CEP97: variants seen among roughly 807,000 people sequenced by gnomAD.
CEP97 encodes centrosomal protein of 97 kDa.
CEP97 carries 43 observed loss-of-function variants against 73.1 expected under a neutral mutation model. The ratio of observed to expected loss-of-function variants is 0.59; its 90% CI spans 0.46 to 0.76. CEP97 has a LOEUF of 0.76. CEP97 is among the 30% of genes least tolerant of loss of function. CEP97 has a pLI of 0.00. For synonymous variants in CEP97, 337 were observed against 370.0 expected (o/e 0.91, Z 1.02); for missense variants, 939 against 1,014.0 (o/e 0.93, Z 1.00).
Position 101,757,747 on chromosome 3 carries a change from G to A in CEP97, c.1141G>A (p.Asp381Asn), listed in dbSNP as rs1303496372. Residue 381 changes from aspartate (D) to asparagine (N), a missense_variant, in exon 9 of 11, where the codon GAT (aspartate) becomes AAT (asparagine). By Grantham distance (23) the Asp-to-Asn change is conservative. Transcript: ENST00000341893. ...ACACACTACGAGATATTCTCGAAAT[G>A]ATCTGCACCTGGAAGACATACAGAC... ...SVHTTRYSRN[D>N]LHLEDIQTDE... 6.2e-7 allele frequency: 1 copy of A among 1,614,222 alleles called. No homozygotes were observed.
rs1211087957 is a variant in CEP97 at position 101,762,495 on chromosome 3, G to T, written c.1828G>T (p.Glu610Ter). The T allele has an allele frequency of 6.2e-7, 1 of 1,606,570 alleles. No individual in the cohort carries two copies. The highest frequency in any genetic ancestry group is 1.7e-5 in the Admixed American group (1 of 59,156). ...TTTGAATTATTGTAGATTACGAAAA[G>T]AAAGAGATGAAGAACGTATTAAAAA... The part of the protein sequence containing the change: ...LTDEIRRLRK[E>*]RDEERIKKFV... The change falls in exon 10 of 11, where the codon GAA (glutamate) becomes TAA (stop). Residue 610 changes from glutamate to a stop codon, truncating the protein, a stop_gained. Transcript: ENST00000341893. LOFTEE classifies it high-confidence loss of function.
chr3:101,731,830 T>C lies in CEP97; in HGVS notation c.448-10T>C. ...TTTCATTTGTAATTCATACTGTTTT[T>C]ACTTTCAAGACCCTGCTTTTACATG... On this transcript the variant is annotated splice_polypyrimidine_tract_variant and intron_variant, in intron 4 of 10. Transcript: ENST00000341893. The C allele has an allele frequency of 6.7e-7, 1 of 1,492,950 alleles. No homozygotes were observed. Among genetic ancestry groups the C allele is most frequent in the Non-Finnish European group, 9.3e-7 (1 of 1,074,324 alleles). The allele number at this position is 1,492,950 out of a possible 1,614,324, so 92.5% of individuals were successfully genotyped here.
chr3:101,735,390 T>TG (rs905441781), intron 6 of CEP97, among the ~76,000 whole-genome samples: 9 of 151,896 alleles, frequency 5.9e-5, no homozygotes, highest in African/African-American at 2.2e-4. Context: ...AAGAAGTGTG[T>TG]GGGGGGGTGG....
chr3:101,758,189 C>A lies in CEP97; in HGVS notation c.1583C>A (p.Thr528Asn), dbSNP rs1351070158. The A allele has an allele frequency of 6.2e-7, 1 of 1,613,906 alleles. No homozygotes were observed. The highest frequency in any genetic ancestry group is 2.2e-5 in the East Asian group (1 of 44,886). Residue 528 changes from threonine (T) to asparagine (N), a missense_variant, in exon 9 of 11, where the codon ACC becomes AAC. By Grantham distance (65) the Thr-to-Asn change is moderately conservative (BLOSUM62 0). Coordinates refer to ENST00000341893, the MANE Select transcript of CEP97 (RefSeq NM_024548.4). ...AATACACAACCAGAAAATAAAGAAACCATATCTCAAGCAACTTCAGAGAAA... is the reference window on the plus strand; with the variant it reads ...AATACACAACCAGAAAATAAAGAAAACATATCTCAAGCAACTTCAGAGAAA... ...PENTQPENKE[T>N]ISQATSEKLP...
At chr3:101,745,404 G>T (rs1938582098) in intron 6 of CEP97, among the ~76,000 whole-genome samples, 1 of 151,994 alleles carries the variant, frequency 6.6e-6, no homozygotes, top group African/African-American at 2.4e-5. Flanking sequence ...GGGAATAGAT[G>T]CATGCCACCA....
intron 6 of CEP97, among the ~76,000 whole-genome samples, chr3:101,744,677 C>G (rs893432569): frequency 6.6e-6 from 1 of 151,734 alleles, no homozygotes; most frequent in South Asian, 2.1e-4. Context: ...CAGTTGTAGT[C>G]TGTCAACAGT....
intron 6 of CEP97, among the ~76,000 whole-genome samples, chr3:101,748,883 G>A (rs1342380103): frequency 5.3e-5 from 8 of 152,018 alleles, no homozygotes; most frequent in African/African-American, 1.9e-4. Flanking sequence ...CTCATGATCC[G>A]CCCACCTCGG....
intron 4 of CEP97, among the ~76,000 whole-genome samples, chr3:101,729,363 G>C (rs1288062261): frequency 6.6e-6 from 1 of 151,660 alleles, no homozygotes; most frequent in African/African-American, 2.4e-5. Flanking sequence ...AATTATGTTA[G>C]AATACCAGAA....
intron 4 of CEP97, among the ~76,000 whole-genome samples, chr3:101,729,348 A>G (rs1487237484): frequency 6.6e-6 from 1 of 152,114 alleles, no homozygotes; most frequent in Non-Finnish European, 1.5e-5. Flanking sequence ...AAAAAAAAAA[A>G]AAGGAATTAT....
intron 6 of CEP97, among the ~76,000 whole-genome samples, chr3:101,749,241 G>A (rs1368095618): frequency 8.0e-5 from 12 of 149,914 alleles, no homozygotes; most frequent in Non-Finnish European, 1.6e-4. Flanking sequence ...GAGAACATGC[G>A]GTGTTTGGAT....
At chr3:101,753,679 G>T (rs1938914242) in intron 6 of CEP97, among the ~76,000 whole-genome samples, 1 of 152,234 alleles carries the variant, frequency 6.6e-6, no homozygotes, top group Admixed American at 6.5e-5. Flanking sequence ...CAATCAGTGA[G>T]ACTCCGTGGG....
At position 101,727,503 on chromosome 3, in the gene CEP97, C is replaced by T. The variant is rs1256764915; in HGVS notation, c.307C>T (p.His103Tyr). Residue 103 changes from histidine (H) to tyrosine (Y), a missense_variant, in exon 3 of 11, where the codon CAT becomes TAT. Coordinates refer to ENST00000341893, the MANE Select transcript of CEP97 (RefSeq NM_024548.4). The stretch of plus-strand genomic sequence containing the variant: ...TGTGGAAGGGCTAAAGGAACTAGTA[C>T]ATCTGGAATGGCTGAATTTGGCAGG... ...GCVEGLKELV[H>Y]LEWLNLAGNN... 7 of 1,612,070 alleles carry T rather than the reference C, an allele frequency of 4.3e-6. No individual in the cohort carries two copies. The highest frequency in any genetic ancestry group is 1.7e-5 in the Admixed American group (1 of 59,688).
rs747696488 is a variant in CEP97, at chr3:101,757,944, G to C, written c.1338G>C (p.Gln446His). ...ADESVKGLESQVLDKEEEQPL... is the reference protein window; with the variant it reads ...ADESVKGLESHVLDKEEEQPL... Reference sequence around the variant, plus strand: ...AATCTGTGAAAGGGCTGGAAAGCCAGGTGTTGGATAAGGAAGAGGAACAGC... The same window carrying C: ...AATCTGTGAAAGGGCTGGAAAGCCACGTGTTGGATAAGGAAGAGGAACAGC... Residue 446 changes from glutamine to histidine, a missense_variant, in exon 9 of 11, where the codon CAG becomes CAC. By Grantham distance (24) the Gln-to-His change is conservative. Coordinates refer to ENST00000341893, the MANE Select transcript of CEP97 (RefSeq NM_024548.4). 1.2e-6 allele frequency: 2 copies of C among 1,614,244 alleles called. No individual in the cohort carries two copies. The highest frequency in any genetic ancestry group is 2.2e-5 in the South Asian group (2 of 91,086).
At chr3:101,752,255 G>A (rs899151901) in intron 6 of CEP97, among the ~76,000 whole-genome samples, 15 of 152,114 alleles carry the variant, frequency 9.9e-5, no homozygotes, top group African/African-American at 2.4e-4. Context: ...AGTTTCTGCC[G>A]AGAGATCCGC....
At chr3:101,756,169 C>G (rs531374010) in intron 7 of CEP97, among the ~76,000 whole-genome samples, 8 of 150,106 alleles carry the variant, frequency 5.3e-5, no homozygotes, top group African/African-American at 2.0e-4. Flanking sequence ...AAATGATTCT[C>G]GGGTCTAAGC....
rs753648070 is a variant in CEP97, at chr3:101,758,042, C to T, written c.1436C>T (p.Ala479Val). Reference sequence around the variant, plus strand: ...ATCAATACAGAGGTAAATGAGAAAGCTGGACTATTACCTTGTCCTGAGCCA... The same window carrying T: ...ATCAATACAGAGGTAAATGAGAAAGTTGGACTATTACCTTGTCCTGAGCCA... ...SEINTEVNEK[A>V]GLLPCPEPTI... Residue 479 changes from alanine to valine, a missense_variant, in exon 9 of 11, where the codon GCT (alanine) becomes GTT (valine). Ala to Val is a moderately conservative substitution (Grantham distance 64). Coordinates refer to ENST00000341893, the MANE Select transcript of CEP97 (RefSeq NM_024548.4). 3 of 1,614,116 alleles carry T rather than the reference C, an allele frequency of 1.9e-6. No homozygotes were observed. The highest frequency in any genetic ancestry group is 2.5e-6 in the Non-Finnish European group (3 of 1,180,056).
chr3:101,758,689 G>T (rs1393941443), intron 9 of CEP97: 5 of 385,080 alleles, frequency 1.3e-5, no homozygotes, highest in South Asian at 4.5e-5. Context: ...GCTTTATAGG[G>T]ATCTATAATT....
Position 101,757,871 on chromosome 3 carries a change from G to A in CEP97, c.1265G>A (p.Arg422Lys). Residue 422 changes from arginine to lysine, a missense_variant, in exon 9 of 11, where the codon AGG (arginine) becomes AAG (lysine). By Grantham distance (26) the Arg-to-Lys change is conservative. Transcript: ENST00000341893. Reference sequence around the variant, plus strand: ...CCACTATCACCTACAGTTGAGCTGAGGCTGCAGGGCATTAACTTGGGCCTA... The same window carrying A: ...CCACTATCACCTACAGTTGAGCTGAAGCTGCAGGGCATTAACTTGGGCCTA... ...LSPLSPTVEL[R>K]LQGINLGLED... The A allele has an allele frequency of 6.2e-7, 1 of 1,614,238 alleles. No homozygotes were observed. Among genetic ancestry groups the A allele is most frequent in the Non-Finnish European group, 8.5e-7 (1 of 1,180,044 alleles).
intron 9 of CEP97, among the ~76,000 whole-genome samples, chr3:101,761,380 T>C (rs1033332764): frequency 6.6e-6 from 1 of 152,102 alleles, no homozygotes; most frequent in African/African-American, 2.4e-5. Context: ...GTGACTGACA[T>C]GGGGTGGATT....
Sources: allele counts gnomAD v4.1 joint callset (sites outside exome capture counted in the v4.1 genomes callset), GRCh38; gene constraint gnomAD v4.1.1; transcripts MANE v1.5; gene names NCBI Gene and HGNC (gene_info 2026-07-23, HGNC 2026-07-21).